The following MKLN1 variants were observed in gnomAD, a reference collection of about 807,000 sequenced individuals.
MKLN1 encodes muskelin 1.
Under a neutral mutation model 99.0 loss-of-function variants are expected in MKLN1, and 18 were observed. The observed-to-expected ratio is 0.18, with a 90% CI of 0.13 to 0.27. The LOEUF (loss-of-function observed/expected upper bound fraction) is 0.27, where lower values mean the gene tolerates loss of function less well. Ranked by LOEUF, MKLN1 falls within the 10% of genes least tolerant of loss-of-function variation. MKLN1 has a pLI of 1.00. For synonymous variants in MKLN1, 288 were observed against 293.2 expected (o/e 0.98, Z 0.18); for missense variants, 621 against 875.9 (o/e 0.71, Z 3.67).
At chr7:131,147,811 A>C (rs1282561864) in intron 2 of MKLN1, among the ~76,000 whole-genome samples, 2 of 152,186 alleles carry the variant, frequency 1.3e-5, no homozygotes, top group African/African-American at 4.8e-5. Context: ...TTCCAAGTTC[A>C]GTTCTCTTTC....
At chr7:131,345,437 A>T (rs1204453421) in intron 1 of MKLN1, among the ~76,000 whole-genome samples, 1 of 152,198 alleles carries the variant, frequency 6.6e-6, no homozygotes, top group Non-Finnish European at 1.5e-5. Flanking sequence ...AGATTCTCAA[A>T]CTGTAGTAAC....
intron 3 of MKLN1, among the ~76,000 whole-genome samples, chr7:131,211,356 A>G (rs776657386): frequency 6.6e-6 from 1 of 152,198 alleles, no homozygotes; most frequent in African/African-American, 2.4e-5. Context: ...ATATATGTAT[A>G]TATTTGCCAG....
chr7:131,310,087 T>C (rs2116636286), intron 3 of MKLN1: 1 of 152,318 alleles, frequency 6.6e-6, no homozygotes, highest in East Asian at 1.9e-4. Flanking sequence ...ATAATTTACA[T>C]TAACATAACA....
At chr7:131,183,927 G>C (rs1563244272) in intron 2 of MKLN1, among the ~76,000 whole-genome samples, 1 of 151,680 alleles carries the variant, frequency 6.6e-6, no homozygotes, top group South Asian at 2.1e-4. Context: ...GTACCTTGTT[G>C]CATCCTCTAA....
chr7:131,122,746 G>T (rs2116200871), intron 1 of MKLN1, among the ~76,000 whole-genome samples: 1 of 152,246 alleles, frequency 6.6e-6, no homozygotes, highest in East Asian at 1.9e-4. Context: ...TGCGGGCCGG[G>T]TGCGGTGGCT....
At chr7:131,422,542 A>AG in intron 8 of MKLN1, among the ~76,000 whole-genome samples, 1 of 152,294 alleles carries the variant, frequency 6.6e-6, no homozygotes, top group South Asian at 2.1e-4. Context: ...CGACAGAGCA[A>AG]GATTCTGTCT....
chr7:131,417,799 T>C (rs1795065086), intron 8 of MKLN1, among the ~76,000 whole-genome samples: 2 of 152,216 alleles, frequency 1.3e-5, no homozygotes, highest in South Asian at 4.1e-4. Context: ...AGGGGAAGAC[T>C]AGAAGGACAC....
chr7:131,216,404 C>A, intron 3 of MKLN1, among the ~76,000 whole-genome samples: 2 of 140,158 alleles, frequency 1.4e-5, no homozygotes, highest in African/African-American at 2.7e-5. Flanking sequence ...GCCTGGGCGA[C>A]AGACTGAGTC....
intron 2 of MKLN1, among the ~76,000 whole-genome samples, chr7:131,377,620 A>G (rs1044470408): frequency 3.3e-5 from 5 of 152,180 alleles, no homozygotes; most frequent in Non-Finnish European, 5.9e-5. Context: ...TGAAACTATG[A>G]TAACCTTATT....
intron 3 of MKLN1, among the ~76,000 whole-genome samples, chr7:131,239,319 C>CT (rs1167385950): frequency 2.5e-4 from 36 of 144,874 alleles, no homozygotes; most frequent in South Asian, 4.3e-4. Context: ...TTATCTTTTT[C>CT]TTTTTTTTTT....
intron 2 of MKLN1, among the ~76,000 whole-genome samples, chr7:131,377,802 C>T (rs564376938): frequency 1.3e-5 from 2 of 152,200 alleles, no homozygotes; most frequent in South Asian, 4.1e-4. Flanking sequence ...AATATTGTCT[C>T]CTCTTGATGA....
intron 3 of MKLN1, among the ~76,000 whole-genome samples, chr7:131,303,020 A>G (rs1024466486): frequency 1.3e-5 from 2 of 152,114 alleles, no homozygotes; most frequent in Non-Finnish European, 2.9e-5. Flanking sequence ...TTCTTTCTGA[A>G]GCTCTTTTTC....
At chr7:131,198,089 G>C (rs1796675685) in intron 2 of MKLN1, among the ~76,000 whole-genome samples, 1 of 152,184 alleles carries the variant, frequency 6.6e-6, no homozygotes, top group Non-Finnish European at 1.5e-5. Flanking sequence ...AAGACACTTA[G>C]AAGGTTTTAT....
In MKLN1 at chr7:131,266,173, C is replaced by CAAAAAAA. The variant is rs35332093; in HGVS notation, c.-179+63216_-179+63222dup. 1.3e-4 allele frequency among the ~76,000 whole-genome samples: 11 copies of CAAAAAAA among 86,572 alleles called. 1 individual carries two copies. Among genetic ancestry groups the CAAAAAAA allele is most frequent in the East Asian group, 3.4e-4 (1 of 2,940 alleles). 56.8% of individuals were successfully genotyped at this position (86,572 alleles called of 152,430 possible). A position where few individuals can be genotyped will look rare whatever the true frequency, so the allele number is the denominator to read the frequency against. ...TGGGCAACAGAGCAAGACTGCATCT[C>CAAAAAAA]AAAAAAAAAAAAAAAAAAAAAAATC... On this transcript the variant is annotated intron_variant, in intron 3 of 7. Transcript: ENST00000416992.
intron 2 of MKLN1, among the ~76,000 whole-genome samples, chr7:131,191,773 G>C (rs2116384546): frequency 6.7e-6 from 1 of 149,602 alleles, no homozygotes; most frequent in South Asian, 2.1e-4. Context: ...GAGTGCAGTG[G>C]TGCAATCTCG....
At chr7:131,313,508 G>A (rs181940755) in intron 3 of MKLN1, among the ~76,000 whole-genome samples, 21 of 152,304 alleles carry the variant, frequency 1.4e-4, no homozygotes, top group African/African-American at 5.1e-4. Context: ...CTTTGTAAAT[G>A]GAAAAGTTTA....
intron 3 of MKLN1, among the ~76,000 whole-genome samples, chr7:131,305,232 T>A (rs1056648610): frequency 1.3e-5 from 2 of 152,214 alleles, no homozygotes; most frequent in African/African-American, 4.8e-5. Flanking sequence ...ATGAAACCCC[T>A]TCCTAACAAT....
chr7:131,433,389 A>G (rs903222739), intron 9 of MKLN1, among the ~76,000 whole-genome samples: 1 of 152,242 alleles, frequency 6.6e-6, no homozygotes, highest in African/African-American at 2.4e-5. Context: ...ATTAGCTTCA[A>G]TCACTTGGTT....
rs1013105698 is a variant in MKLN1 at position 131,359,071 on chromosome 7, AG to A, written c.99-16352del. 2.6e-5 allele frequency among the ~76,000 whole-genome samples: 4 copies of A among 151,938 alleles called. No individual in the cohort carries two copies. In the South Asian group the frequency reaches 8.3e-4, roughly 32 times the overall value. On this transcript the variant is annotated intron_variant, in intron 1 of 17. Coordinates refer to ENST00000352689, the MANE Select transcript of MKLN1 (RefSeq NM_013255.5). ...ATTTTTTCTGCTTTGTTTATGCTTC[AG>A]TTGCTTTTCTCTAGTTTCCTAGGGT... is the stretch of plus-strand genomic sequence containing the variant.
Sources: gnomAD v4.1 joint callset for allele counts (sites outside exome capture counted in the v4.1 genomes callset) on GRCh38, gnomAD v4.1.1 for gene constraint, MANE v1.5 for transcripts, NCBI Gene and HGNC (gene_info 2026-07-23, HGNC 2026-07-21) for gene names.